SIPA1: variants seen among roughly 807,000 people sequenced by gnomAD.
The protein encoded by SIPA1 is signal-induced proliferation-associated 1.
A neutral mutation model predicts 88.1 loss-of-function variants in SIPA1; 51 were observed. The ratio of observed to expected loss-of-function variants is 0.58; its 90% confidence interval spans 0.46 to 0.73. SIPA1 has a LOEUF of 0.73. SIPA1 is among the 30% of genes least tolerant of loss of function. The pLI, the probability that SIPA1 is intolerant of heterozygous loss-of-function variation, is 0.00. For synonymous variants in SIPA1, 681 were observed against 664.8 expected (o/e 1.02, Z -0.37); for missense variants, 1,348 against 1,467.6 (o/e 0.92, Z 1.33).
chr11:65,641,568 C>T lies in SIPA1; in HGVS notation c.647C>T (p.Ala216Val). 4 of 1,610,830 alleles carry T rather than the reference C, an allele frequency of 2.5e-6. No individual in the cohort carries two copies. Among genetic ancestry groups the T allele is most frequent in the Non-Finnish European group, 3.4e-6 (4 of 1,179,124 alleles). The change falls in exon 2 of 16, where the codon GCT (alanine) becomes GTT (valine). Residue 216 changes from alanine (A) to valine (V), a missense_variant. Physicochemically the swap from Ala to Val is moderately conservative, Grantham distance 64. Coordinates refer to ENST00000534313, the MANE Select transcript of SIPA1 (RefSeq NM_006747.4). Reference sequence around the variant, plus strand: ...AGCCTGGAGCACGCAGACCTGGGTGCTGGCTACTACCGCAAATACTTCTAT... The same window carrying T: ...AGCCTGGAGCACGCAGACCTGGGTGTTGGCTACTACCGCAAATACTTCTAT... ...AYSLEHADLG[A>V]GYYRKYFYGK...
Position 65,646,834 on chromosome 11 carries a change from C to A in SIPA1, c.1800C>A (p.Ser600Arg). The change falls in exon 8 of 16, where the codon AGC (serine) becomes AGA (arginine). Residue 600 changes from serine (S) to arginine (R), a missense_variant. By Grantham distance (110) the Ser-to-Arg change is moderately radical. Transcript: ENST00000534313. The surrounding 1 kb of genome is among the most constrained non-coding windows in gnomAD (Gnocchi z 7.5). ...GARVAAGAQA[S>R]GPEGIEVPCL... ...GGGTCGCCGCCGGGGCTCAGGCGAG[C>A]GGCCCCGAAGGCATCGAGGTGCCCT... The A allele has an allele frequency of 7.5e-7, 1 of 1,333,570 alleles. No homozygotes were observed. Among genetic ancestry groups the A allele is most frequent in the Non-Finnish European group, 9.6e-7 (1 of 1,044,420 alleles). The allele number at this position is 1,333,570 out of a possible 1,614,324, so 82.6% of individuals were successfully genotyped here. A position where few individuals can be genotyped will look rare whatever the true frequency, so the allele number is the denominator to read the frequency against.
chr11:65,644,549 G>A (rs568060078), intron 4 of SIPA1, among the ~76,000 whole-genome samples: 38 of 151,936 alleles, frequency 2.5e-4, no homozygotes, highest in Admixed American at 1.6e-3. Context: ...CCAGTTATCC[G>A]CAGAGGGAAG....
chr11:65,641,973 C>T, intron 2 of SIPA1: 2 of 551,076 alleles, frequency 3.6e-6, no homozygotes, highest in South Asian at 4.7e-5. Flanking sequence ...GGCTCCAGGA[C>T]ATAGAAGGGA....
chr11:65,640,566 G>A (rs896201948), intron 1 of SIPA1, among the ~76,000 whole-genome samples: 11 of 152,240 alleles, frequency 7.2e-5, no homozygotes, highest in African/African-American at 2.4e-4. Flanking sequence ...GCGACTGGGG[G>A]ACCCTGGCAG....
chr11:65,646,309 G>C lies in SIPA1; in HGVS notation c.1352G>C (p.Arg451Pro). ...GSKPFCPTTIRSHFQHVFLVV... is the reference protein window; with the variant it reads ...GSKPFCPTTIPSHFQHVFLVV... The stretch of plus-strand genomic sequence containing the variant: ...AAGCCCTTCTGCCCCACCACCATCC[G>C]CTCGCACTTCCAGCACGTGTTCCTA... Residue 451 changes from arginine to proline, a missense_variant, in exon 7 of 16, where the codon CGC becomes CCC. Transcript: ENST00000534313. This position sits in a 1 kb window ranked among gnomAD's most constrained non-coding sequence, Gnocchi z 7.5. 6.2e-7 allele frequency: 1 copy of C among 1,613,974 alleles called. No homozygotes were observed. Among genetic ancestry groups the C allele is most frequent in the Non-Finnish European group, 8.5e-7 (1 of 1,179,974 alleles).
rs1306493844 is a variant in SIPA1, at chr11:65,650,492, C to A, written c.2982+13C>A. ...GGACCTGCAGAAGGTGAGGGGTGGG[C>A]TGAGCTTGGGGGGAGTCACAGGGCT... is the stretch of plus-strand genomic sequence containing the variant. On this transcript the variant is annotated intron_variant, in intron 15 of 15. Coordinates refer to ENST00000534313, the MANE Select transcript of SIPA1 (RefSeq NM_006747.4). 1.9e-6 allele frequency: 3 copies of A among 1,613,954 alleles called. No individual in the cohort carries two copies. In the African/African-American group the frequency reaches 4.0e-5, roughly 22 times the overall value.
chr11:65,642,205 T>C lies in SIPA1; in HGVS notation c.680-45T>C. The C allele has an allele frequency of 6.5e-7, 1 of 1,537,936 alleles. No individual in the cohort carries two copies. The highest frequency in any genetic ancestry group is 2.0e-4 in the Middle Eastern group (1 of 4,920). On this transcript the variant is annotated intron_variant, in intron 2 of 15. Coordinates refer to ENST00000534313, the MANE Select transcript of SIPA1 (RefSeq NM_006747.4). The surrounding 1 kb of genome is among the most constrained non-coding windows in gnomAD (Gnocchi z 6.5). ...GCGCGTGGTCGAGCGGGGGCGGGGC[T>C]GCCAGAGGGCGGGACCAATCGTTTT...
rs1032180213 is a variant in SIPA1 at position 65,647,613 on chromosome 11, T to G, written c.2261T>G (p.Val754Gly). ...CAGCTCCTGCGCTCGGCGCCCAAGGTCTGCGTCACCGTCCTGCCCCCCGAC... is the reference window on the plus strand; with the variant it reads ...CAGCTCCTGCGCTCGGCGCCCAAGGGCTGCGTCACCGTCCTGCCCCCCGAC... ...AAQLLRSAPK[V>G]CVTVLPPDES... Residue 754 changes from valine to glycine, a missense_variant, in exon 9 of 16, where the codon GTC becomes GGC. This residue lies in a region of SIPA1 where 615 missense variants were observed against 559.8 expected (regional missense o/e 1.10). Coordinates refer to ENST00000534313, the MANE Select transcript of SIPA1 (RefSeq NM_006747.4). The G allele has an allele frequency of 2.8e-6, 4 of 1,408,598 alleles. No individual in the cohort carries two copies. The highest frequency in any genetic ancestry group is 3.7e-6 in the Non-Finnish European group (4 of 1,085,590). The allele number at this position is 1,408,598 out of a possible 1,614,324, so 87.3% of individuals were successfully genotyped here.
chr11:65,648,083 G>C (rs1256976064), intron 9 of SIPA1, among the ~76,000 whole-genome samples: 1 of 152,036 alleles, frequency 6.6e-6, no homozygotes, highest in Admixed American at 6.5e-5. Flanking sequence ...AAGTTGGCCA[G>C]GCTGGTCTCG....
chr11:65,650,690 G>C lies in SIPA1; in HGVS notation c.3104G>C (p.Gly1035Ala). The part of the protein sequence containing the change: ...TRLLLASKQL[G>A]SPTADLA ...CTCCTCCTGGCCTCCAAGCAGCTGG[G>C]CTCACCCACCGCCGACCTGGCCTGA... The change falls in exon 16 of 16, where the codon GGC becomes GCC. Residue 1035 changes from glycine to alanine, a missense_variant. This residue lies in a region of SIPA1 where 615 missense variants were observed against 559.8 expected (regional missense o/e 1.10). Coordinates refer to ENST00000534313, the MANE Select transcript of SIPA1 (RefSeq NM_006747.4). 2 of 1,580,964 alleles carry C rather than the reference G, an allele frequency of 1.3e-6. No individual in the cohort carries two copies. Among genetic ancestry groups the C allele is most frequent in the Non-Finnish European group, 1.7e-6 (2 of 1,163,540 alleles).
chr11:65,647,173 G>A (rs1856141093), intron 8 of SIPA1, 108 bp downstream of exon 8: 2 of 1,417,924 alleles, frequency 1.4e-6, no homozygotes, highest in South Asian at 1.5e-5. Flanking sequence ...AGGGAAAGTC[G>A]AGGAGGGCAG....
Position 65,647,549 on chromosome 11 carries a change from G to T in SIPA1, c.2197G>T (p.Gly733Cys). The part of the protein sequence containing the change: ...RPGARLLRVC[G>C]QTLPSLRPEA... ...CGGGGCGCGCCTCCTGCGCGTGTGC[G>T]GCCAGACTCTGCCCAGCCTCCGGCC... is the stretch of plus-strand genomic sequence containing the variant. The change falls in exon 9 of 16, where the codon GGC (glycine) becomes TGC (cysteine). Residue 733 changes from glycine (G) to cysteine (C), a missense_variant. Physicochemically the swap from Gly to Cys is radical, Grantham distance 159 (BLOSUM62 -3). Coordinates refer to ENST00000534313, the MANE Select transcript of SIPA1 (RefSeq NM_006747.4). 1.5e-6 allele frequency: 2 copies of T among 1,330,500 alleles called. No homozygotes were observed. Among genetic ancestry groups the T allele is most frequent in the South Asian group, 1.7e-5 (1 of 58,198 alleles). The allele number at this position is 1,330,500 out of a possible 1,614,324, so 82.4% of individuals were successfully genotyped here.
chr11:65,649,653 G>A lies in SIPA1; in HGVS notation c.2618G>A (p.Ser873Asn). 2.5e-6 allele frequency: 4 copies of A among 1,614,068 alleles called. No homozygotes were observed. The highest frequency in any genetic ancestry group is 3.4e-6 in the Non-Finnish European group (4 of 1,180,040). The change falls in exon 11 of 16, where the codon AGT becomes AAT. Residue 873 changes from serine to asparagine, a missense_variant. By Grantham distance (46) the Ser-to-Asn change is conservative. This residue lies in a region of SIPA1 where 615 missense variants were observed against 559.8 expected (regional missense o/e 1.10). Transcript: ENST00000534313. ...TAKPSVPSAD[S>N]ETPLTQDRPG... ...AAGCCATCAGTACCCAGTGCTGACA[G>A]TGAGACACCCCTGACCCAGGTGAGC...
At chr11:65,647,869 TCTCTC>T (rs1001957789) in intron 9 of SIPA1, among the ~76,000 whole-genome samples, 2 of 148,312 alleles carry the variant, frequency 1.3e-5, no homozygotes, top group African/African-American at 5.0e-5. Context: ...CTCTCTCTCC[TCTCTC>T]TTTTTTTTTT....
chr11:65,640,747 A>C, intron 1 of SIPA1, 84 bp from the exon 2 acceptor site: 1 of 550,096 alleles, frequency 1.8e-6, no homozygotes, highest in Non-Finnish European at 3.1e-6. Context: ...GCCGGAAGCC[A>C]ACACGGGTGG....
intron 5 of SIPA1, 102 bp downstream of exon 5, chr11:65,645,231 C>G: frequency 8.4e-7 from 1 of 1,191,018 alleles, no homozygotes; most frequent in Non-Finnish European, 1.2e-6. Context: ...GGGCTGGGGA[C>G]TGGAGAGTTC....
Position 65,645,881 on chromosome 11 carries a change from A to G in SIPA1, c.1187A>G (p.Tyr396Cys). The G allele has an allele frequency of 6.2e-7, 1 of 1,613,428 alleles. No individual in the cohort carries two copies. The highest frequency in any genetic ancestry group is 8.5e-7 in the Non-Finnish European group (1 of 1,179,628). Residue 396 changes from tyrosine to cysteine, a missense_variant, in exon 6 of 16, where the codon TAC becomes TGC. This residue lies in a region of SIPA1 where 641 missense variants were observed against 797.7 expected (regional missense o/e 0.80). Coordinates refer to ENST00000534313, the MANE Select transcript of SIPA1 (RefSeq NM_006747.4). The part of the protein sequence containing the change: ...KTDSTGTHSL[Y>C]TTYQDHEIMF... ...GATTCCACAGGCACGCACTCCCTCT[A>G]CACCACATACCAGGACCACGAGATC...
In SIPA1 at chr11:65,650,632, C is replaced by G. The variant is rs1388389913; in HGVS notation, c.3046C>G (p.Leu1016Val). 6.4e-7 allele frequency: 1 copy of G among 1,574,106 alleles called. No homozygotes were observed. The highest frequency in any genetic ancestry group is 2.4e-5 in the East Asian group (1 of 42,516). The change falls in exon 16 of 16, where the codon CTG becomes GTG. Residue 1016 changes from leucine (L) to valine (V), a missense_variant. Leu to Val is a conservative substitution (Grantham distance 32). Coordinates refer to ENST00000534313, the MANE Select transcript of SIPA1 (RefSeq NM_006747.4). Reference protein sequence around the residue: ...VRSLRHNNRRLQAESESAATR... With the variant: ...VRSLRHNNRRVQAESESAATR... ...GAGCCTGAGACACAACAACCGGCGG[C>G]TGCAGGCGGAGTCTGAGAGTGCAGC...
In SIPA1 at chr11:65,646,595, G is replaced by A. The variant is rs1256496877; in HGVS notation, c.1561G>A (p.Ala521Thr). Residue 521 changes from alanine (A) to threonine (T), a missense_variant, in exon 8 of 16, where the codon GCG (alanine) becomes ACG (threonine). Around this residue, in one of 4 missense-constraint regions of SIPA1, gnomAD observed 641 missense variants for 797.7 expected, o/e 0.80. Coordinates refer to ENST00000534313, the MANE Select transcript of SIPA1 (RefSeq NM_006747.4). This position sits in a 1 kb window ranked among gnomAD's most constrained non-coding sequence, Gnocchi z 7.5. Reference sequence around the variant, plus strand: ...GAATGGTGAGCAGGCGGCCGGCCACGCGCGCCAGTTCCACGCCATGGCCAC... The same window carrying A: ...GAATGGTGAGCAGGCGGCCGGCCACACGCGCCAGTTCCACGCCATGGCCAC... ...ALNGEQAAGH[A>T]RQFHAMATRT... The A allele has an allele frequency of 1.9e-6, 3 of 1,544,410 alleles. No homozygotes were observed. Among genetic ancestry groups the A allele is most frequent in the South Asian group, 1.2e-5 (1 of 85,062 alleles).
Sources: gnomAD v4.1 joint callset for allele counts (sites outside exome capture counted in the v4.1 genomes callset) on GRCh38, gnomAD v4.1.1 for gene constraint, gnomAD v4.1.1 regional missense constraint, Gnocchi (gnomAD v3.1) non-coding constraint, MANE v1.5 for transcripts, NCBI Gene and HGNC (gene_info 2026-07-23, HGNC 2026-07-21) for gene names.